PTPRR: variants seen among roughly 807,000 people sequenced by gnomAD.
The protein encoded by PTPRR is protein tyrosine phosphatase receptor type R, also known as receptor-type tyrosine-protein phosphatase R.
A neutral mutation model predicts 77.2 loss-of-function variants in PTPRR; 38 were observed. The observed-to-expected ratio is 0.49, with a 90% CI of 0.38 to 0.65. The LOEUF is 0.65. Ranked by LOEUF, PTPRR falls within the 30% of genes least tolerant of loss-of-function variation. The pLI is 0.00. For synonymous variants in PTPRR, 299 were observed against 283.1 expected, an observed-to-expected ratio of 1.06 and a Z score of -0.57; for missense variants, 744 against 799.2, an observed-to-expected ratio of 0.93 and a Z score of 0.83.
chr12:70,665,165 G>C (rs529838494), intron 10 of PTPRR, among the ~76,000 whole-genome samples: 1 of 151,936 alleles, frequency 6.6e-6, no homozygotes, highest in Non-Finnish European at 1.5e-5. Context: ...TGCTAGCTAG[G>C]CTTATCCTTT....
Position 70,639,194 on chromosome 12 carries a change from G to C in PTPRR, c.1964C>G (p.Thr655Ser). ...CLYESRLSAE[T>S]VQ Reference sequence around the variant, plus strand: ...CAAGTCTTCAATGACTCACTGGACAGTCTCTGCTGAAAGTCTGCTCTCATA... The same window carrying C: ...CAAGTCTTCAATGACTCACTGGACACTCTCTGCTGAAAGTCTGCTCTCATA... Residue 655 changes from threonine (T) to serine (S), a missense_variant, in exon 14 of 14, where the codon ACT becomes AGT. By Grantham distance (58) the Thr-to-Ser change is moderately conservative. Around this residue, in one of 3 missense-constraint regions of PTPRR, gnomAD observed 170 missense variants for 209.8 expected, o/e 0.81. Transcript: ENST00000283228. 6.2e-7 allele frequency: 1 copy of C among 1,612,860 alleles called. No homozygotes were observed. Among genetic ancestry groups the C allele is most frequent in the Non-Finnish European group, 8.5e-7 (1 of 1,179,668 alleles).
intron 10 of PTPRR, among the ~76,000 whole-genome samples, chr12:70,667,478 T>C (rs1368154884): frequency 6.6e-6 from 1 of 152,116 alleles, no homozygotes; most frequent in Non-Finnish European, 1.5e-5. Context: ...AACCCCCTGG[T>C]TACCCATGAA....
rs1318532493 is a variant in PTPRR, at chr12:70,862,998, G to A, written c.357+29681C>T. Reference sequence around the variant, plus strand: ...CATAAAAGGAAGAAGGAAACTGGATGGAGGAACAGGTGGACTAGTGTCAAG... The same window carrying A: ...CATAAAAGGAAGAAGGAAACTGGATAGAGGAACAGGTGGACTAGTGTCAAG... On this transcript the variant is annotated intron_variant, in intron 2 of 13. Transcript: ENST00000283228. Among the ~76,000 whole-genome samples, 4 of 152,110 alleles carry A rather than the reference G, an allele frequency of 2.6e-5. No homozygotes were observed. In the East Asian group the frequency reaches 5.8e-4, roughly 22 times the overall value.
intron 4 of PTPRR, among the ~76,000 whole-genome samples, chr12:70,756,406 G>A (rs1205143449): frequency 1.3e-5 from 2 of 152,068 alleles, no homozygotes; most frequent in Admixed American, 6.6e-5. Context: ...AACTTGATAA[G>A]GGCAGGGTAA....
chr12:70,762,073 G>A (rs1401221593), intron 3 of PTPRR, among the ~76,000 whole-genome samples: 1 of 152,108 alleles, frequency 6.6e-6, no homozygotes, highest in East Asian at 1.9e-4. Flanking sequence ...TTAATGTGAA[G>A]GCTTGGCTAG....
In PTPRR at chr12:70,769,138, T is replaced by G. The variant is rs1000938454; in HGVS notation, c.358-4360A>C. Among the ~76,000 whole-genome samples the G allele has an allele frequency of 2.1e-5, 3 of 140,718 alleles. No individual in the cohort carries two copies. In the South Asian group the frequency reaches 7.0e-4, roughly 33 times the overall value. 92.3% of individuals were successfully genotyped at this position (140,718 alleles called of 152,430 possible). A position where few individuals can be genotyped will look rare whatever the true frequency, so the allele number is the denominator to read the frequency against. ...CCTCTCTCACCACTCCTATTCAACA[T>G]AGTGTTGGAAGTTCTGGCCAGGGCA... On this transcript the variant is annotated intron_variant, in intron 2 of 13. Coordinates refer to ENST00000283228, the MANE Select transcript of PTPRR (RefSeq NM_002849.4).
chr12:70,881,249 C>T (rs1893144499), intron 2 of PTPRR, among the ~76,000 whole-genome samples: 1 of 152,168 alleles, frequency 6.6e-6, no homozygotes, highest in African/African-American at 2.4e-5. Flanking sequence ...TTAAATAATG[C>T]AGCTTCACTA....
rs1394341143 is a variant in PTPRR at position 70,891,826 on chromosome 12, T to A, written c.357+853A>T. ...TAATTACATTTGGTGCATAGAGGAG[T>A]TGCCAAAATGCAAACATGGTTTCAT... On this transcript the variant is annotated intron_variant, in intron 2 of 13. Coordinates refer to ENST00000283228, the MANE Select transcript of PTPRR (RefSeq NM_002849.4). Among the ~76,000 whole-genome samples the A allele has an allele frequency of 3.9e-5, 6 of 152,122 alleles. No individual in the cohort carries two copies. In the South Asian group the frequency reaches 1.0e-3, roughly 26 times the overall value.
At chr12:70,650,558 T>C (rs1210619801) in intron 13 of PTPRR, among the ~76,000 whole-genome samples, 1 of 152,120 alleles carries the variant, frequency 6.6e-6, no homozygotes, top group Non-Finnish European at 1.5e-5. Flanking sequence ...CAGTAAATAA[T>C]TGTTAATTAA....
intron 2 of PTPRR, among the ~76,000 whole-genome samples, chr12:70,813,347 T>C (rs553362204): frequency 6.6e-6 from 1 of 152,358 alleles, no homozygotes; most frequent in East Asian, 1.9e-4. Flanking sequence ...TACAGGTCCT[T>C]TGGGAAGCCT....
At chr12:70,743,995 A>G (rs186377137) in intron 6 of PTPRR, among the ~76,000 whole-genome samples, 76 of 152,240 alleles carry the variant, frequency 5.0e-4, no homozygotes, top group African/African-American at 1.7e-3. Context: ...GTTATCTACT[A>G]TAGATAACAT....
chr12:70,905,853 G>C (rs573946139), intron 1 of PTPRR, among the ~76,000 whole-genome samples: 1 of 151,888 alleles, frequency 6.6e-6, no homozygotes, highest in Non-Finnish European at 1.5e-5. Context: ...TCAAAAAAAG[G>C]CTTTTACTGT....
chr12:70,761,443 A>C, intron 4 of PTPRR, 28 bp downstream of exon 4: 1 of 1,528,360 alleles, frequency 6.5e-7, no homozygotes, highest in Non-Finnish European at 8.8e-7. Flanking sequence ...TCACATTTTT[A>C]AATGAATTGT....
At chr12:70,686,631 T>G (rs1887880031) in intron 8 of PTPRR, among the ~76,000 whole-genome samples, 1 of 152,162 alleles carries the variant, frequency 6.6e-6, no homozygotes, top group Admixed American at 6.5e-5. Context: ...TTGCTTGCTC[T>G]GGAGGAAGCT....
intron 2 of PTPRR, among the ~76,000 whole-genome samples, chr12:70,809,111 G>A (rs577931027): frequency 3.3e-5 from 5 of 152,236 alleles, no homozygotes; most frequent in Admixed American, 2.6e-4. Flanking sequence ...GTGGTCACAT[G>A]GCACAGTTCT....
chr12:70,754,296 A>G lies in PTPRR; in HGVS notation c.633T>C (p.Asn211=). The change falls in exon 5 of 14, where the codon AAT becomes AAC. Residue 211 remains asparagine, a synonymous_variant. Coordinates refer to ENST00000283228, the MANE Select transcript of PTPRR (RefSeq NM_002849.4). ...FGITEVSPEK[N]VLQGQHEADK... is the part of the protein sequence containing the mutation. ...CCGCTTCATGCTGCCCTTGTAAAAC[A>G]TTTTTCTTTAAAAGCAAAACAGAAA... is the stretch of plus-strand genomic sequence containing the variant. 1.2e-6 allele frequency: 2 copies of G among 1,613,080 alleles called. No individual in the cohort carries two copies. The highest frequency in any genetic ancestry group is 1.1e-5 in the South Asian group (1 of 90,996).
At chr12:70,840,678 C>A (rs1044358484) in intron 2 of PTPRR, among the ~76,000 whole-genome samples, 1 of 152,042 alleles carries the variant, frequency 6.6e-6, no homozygotes, top group African/African-American at 2.4e-5. Context: ...AAAAATGAAT[C>A]ATCTTAAGAA....
chr12:70,831,075 C>T (rs1892203715), intron 2 of PTPRR, among the ~76,000 whole-genome samples: 1 of 152,188 alleles, frequency 6.6e-6, no homozygotes, highest in South Asian at 2.1e-4. Context: ...TCCCATTTTA[C>T]AGATGAGGAA....
Position 70,878,705 on chromosome 12 carries a change from G to T in PTPRR, c.357+13974C>A, listed in dbSNP as rs375330794. Among the ~76,000 whole-genome samples the T allele has an allele frequency of 5.3e-5, 8 of 152,234 alleles. No homozygotes were observed. In the South Asian group the frequency reaches 1.7e-3, roughly 32 times the overall value. ...GAAGACAGTGTGGCGATTCCTCAAG[G>T]ATCTAGAACTAGAAATACCATTTGA... On this transcript the variant is annotated intron_variant, in intron 2 of 13. Coordinates refer to ENST00000283228, the MANE Select transcript of PTPRR (RefSeq NM_002849.4).
Sources: gnomAD v4.1 joint callset for allele counts (sites outside exome capture counted in the v4.1 genomes callset) on GRCh38, gnomAD v4.1.1 for gene constraint, gnomAD v4.1.1 regional missense constraint, MANE v1.5 for transcripts, NCBI Gene and HGNC (gene_info 2026-07-23, HGNC 2026-07-21) for gene names.